TTC4: variants seen among roughly 807,000 people sequenced by gnomAD.
TTC4 encodes the protein tetratricopeptide repeat domain 4, also known as hsp70/Hsp90 co-chaperone CNS1 homolog.
A neutral mutation model predicts 51.9 loss-of-function variants in TTC4; 36 were observed. The ratio of observed to expected loss-of-function variants is 0.69; its 90% CI spans 0.53 to 0.92. The LOEUF (loss-of-function observed/expected upper bound fraction) is 0.92. Among genes scored for constraint, TTC4 ranks in the 40% least tolerant of loss-of-function variants. TTC4 has a pLI of 0.00. For synonymous variants in TTC4, 144 were observed against 164.2 expected, an observed-to-expected ratio of 0.88 and a Z score of 0.94; for missense variants, 399 against 454.6, an observed-to-expected ratio of 0.88 and a Z score of 1.11.
At chr1:54,717,859 C>T (rs1465905376) in intron 3 of TTC4, 2 of 422,770 alleles carry the variant, frequency 4.7e-6, no homozygotes, top group Non-Finnish European at 7.9e-6. Context: ...CTGTCTCAAC[C>T]CAAAAAGTGA....
rs1195968928 is a variant in TTC4, at chr1:54,733,712, TAAGAG to T, written c.978+6_978+10del. Reference sequence around the variant, plus strand: ...AAATATTGCCCTGATAATTTGGAGGTAAGAGAAGTTTTATTTCGTTCCTCTATGGA... The same window carrying T: ...AAATATTGCCCTGATAATTTGGAGGTAAGTTTTATTTCGTTCCTCTATGGA... On this transcript the variant is annotated splice_donor_5th_base_variant and intron_variant, in intron 8 of 9. Transcript: ENST00000371281. 6.3e-6 allele frequency: 10 copies of T among 1,576,944 alleles called. No homozygotes were observed. The highest frequency in any genetic ancestry group is 1.2e-5 in the South Asian group (1 of 85,630).
At chr1:54,728,023 G>A (rs1925654) in intron 5 of TTC4, among the ~76,000 whole-genome samples, 18,050 of 152,012 alleles carry the variant, frequency 0.12, 1,769 homozygotes, top group African/African-American at 0.26. Flanking sequence ...GCTATGTTTC[G>A]TAGCACTCGG....
chr1:54,738,506 G>T (rs1390104963), intron 9 of TTC4, among the ~76,000 whole-genome samples: 1 of 152,102 alleles, frequency 6.6e-6, no homozygotes. Context: ...GACTGGCCGG[G>T]CCCATAAAAC....
chr1:54,718,256 C>G (rs1645699916), intron 3 of TTC4, among the ~76,000 whole-genome samples: 1 of 152,056 alleles, frequency 6.6e-6, no homozygotes, highest in African/African-American at 2.4e-5. Flanking sequence ...GCCTGTAGTC[C>G]TAGCTACTTG....
rs570123458 is a variant in TTC4 at position 54,725,671 on chromosome 1, A to G, written c.595-2675A>G. Among the ~76,000 whole-genome samples the G allele has an allele frequency of 1.3e-4, 20 of 152,348 alleles. No individual in the cohort carries two copies. In the South Asian group the frequency reaches 1.7e-3, roughly 13 times the overall value. ...GGGACTTACTAGACAAAGACTTTAA[A>G]CCAGCTAATTTAAATATCTTCTCAG... is the stretch of plus-strand genomic sequence containing the variant. On this transcript the variant is annotated intron_variant, in intron 5 of 9. Coordinates refer to ENST00000371281, the MANE Select transcript of TTC4 (RefSeq NM_004623.5).
chr1:54,731,762 GA>G lies in TTC4; in HGVS notation c.896+63del. 2.0e-6 allele frequency: 3 copies of G among 1,524,362 alleles called. No homozygotes were observed. In the South Asian group the frequency reaches 3.5e-5, roughly 18 times the overall value. The allele number at this position is 1,524,362 out of a possible 1,614,324, so 94.4% of individuals were successfully genotyped here. On this transcript the variant is annotated intron_variant, in intron 7 of 9. Coordinates refer to ENST00000371281, the MANE Select transcript of TTC4 (RefSeq NM_004623.5). Reference sequence around the variant, plus strand: ...CATGCTGTCTCTGTTTTTGTGGCAGGAGGGACGAGTGGATTTTTGGTTGAGA... The same window carrying G: ...CATGCTGTCTCTGTTTTTGTGGCAGGGGGACGAGTGGATTTTTGGTTGAGA...
Position 54,723,955 on chromosome 1 carries a change from A to G in TTC4, c.594+1156A>G, listed in dbSNP as rs143990170. On this transcript the variant is annotated intron_variant, in intron 5 of 9. Transcript: ENST00000371281. ...GATCTCTATGGACCCACATGGCTCA[A>G]TAACAGAATTCTGAGCCTAGGTAAT... 2.1e-3 allele frequency among the ~76,000 whole-genome samples: 313 copies of G among 152,326 alleles called. 4 individuals are homozygous for G. In the East Asian group the frequency reaches 0.03, roughly 15 times the overall value.
chr1:54,723,525 A>G (rs139072777), intron 5 of TTC4, among the ~76,000 whole-genome samples: 2,124 of 152,300 alleles, frequency 0.014, 24 homozygotes, highest in Middle Eastern at 0.037. Flanking sequence ...CTGGCTTTCT[A>G]TTAACAGGCA....
At chr1:54,735,020 T>G (rs1645917494) in intron 8 of TTC4, among the ~76,000 whole-genome samples, 11 of 152,150 alleles carry the variant, frequency 7.2e-5, no homozygotes, top group Admixed American at 7.2e-4. Flanking sequence ...TCATGTCCCC[T>G]TAGTCTCCTT....
chr1:54,725,578 A>G lies in TTC4; in HGVS notation c.595-2768A>G, dbSNP rs181272475. On this transcript the variant is annotated intron_variant, in intron 5 of 9. Transcript: ENST00000371281. ...ATGCTAAAAATGTGCTTCAACATGT[A>G]CACAAAGCCTCTTGACAAAGATTGG... is the stretch of plus-strand genomic sequence containing the variant. Among the ~76,000 whole-genome samples, 71 of 152,352 alleles carry G rather than the reference A, an allele frequency of 4.7e-4. 1 individual carries two copies. Among genetic ancestry groups the G allele is most frequent in the Admixed American group, 1.6e-3 (24 of 15,310 alleles).
In TTC4 at chr1:54,721,198, G is replaced by A. The variant is rs76506579; in HGVS notation, c.427G>A (p.Ala143Thr). 199 of 1,613,474 alleles carry A rather than the reference G, an allele frequency of 1.2e-4. 1 individual carries two copies. In the African/African-American group the frequency reaches 2.4e-3, roughly 19 times the overall value. Residue 143 changes from alanine to threonine, a missense_variant, in exon 4 of 10, where the codon GCC becomes ACC. Physicochemically the swap from Ala to Thr is moderately conservative, Grantham distance 58. Around this residue, in one of 3 missense-constraint regions of TTC4, gnomAD observed 316 missense variants for 349.6 expected, o/e 0.90. Coordinates refer to ENST00000371281, the MANE Select transcript of TTC4 (RefSeq NM_004623.5). ...FRSALNDVTA[A>T]RKLKPCHLKA... ...TTCTGCTCTCAATGATGTGACAGCT[G>A]CCAGAAAGCTAAAACCCTGCCACCT...
intron 4 of TTC4, 50 bp downstream of exon 4, chr1:54,721,290 T>G (rs1362205585): frequency 6.3e-7 from 1 of 1,576,942 alleles, no homozygotes; most frequent in Admixed American, 1.7e-5. Context: ...GATATGAAGG[T>G]GCTAGGATAC....
At chr1:54,738,277 C>A (rs147543130) in intron 9 of TTC4, among the ~76,000 whole-genome samples, 2 of 141,036 alleles carry the variant, frequency 1.4e-5, no homozygotes, top group South Asian at 2.4e-4. Context: ...GCAAGACATA[C>A]CCCCATGATT....
chr1:54,736,193 A>ATT (rs1645932800), intron 8 of TTC4, among the ~76,000 whole-genome samples: 2 of 116,006 alleles, frequency 1.7e-5, no homozygotes, highest in Non-Finnish European at 3.4e-5. Flanking sequence ...AGAGAGAGAG[A>ATT]GAGAGAGAGA....
At chr1:54,725,520 A>T (rs889059946) in intron 5 of TTC4, among the ~76,000 whole-genome samples, 4 of 152,218 alleles carry the variant, frequency 2.6e-5, no homozygotes, top group African/African-American at 9.6e-5. Flanking sequence ...AAGGAAGTGA[A>T]GGCTAAGGTA....
intron 5 of TTC4, among the ~76,000 whole-genome samples, chr1:54,726,861 CT>C (rs984256182): frequency 7.4e-5 from 11 of 148,496 alleles, no homozygotes; most frequent in African/African-American, 2.7e-4. Context: ...CAACCTCAAA[CT>C]CCTGGGCTCA....
In TTC4 at chr1:54,715,956, G is replaced by A. The variant is rs776366535; in HGVS notation, c.48G>A (p.Ser16=). 6.2e-7 allele frequency: 1 copy of A among 1,607,164 alleles called. No individual in the cohort carries two copies. Residue 16 remains serine (S), a synonymous_variant, in exon 1 of 10, where the codon TCG becomes TCA. Transcript: ENST00000371281. Reference sequence around the variant, plus strand: ...CCACCTCAGACGACGTCATGGACTCGTTCCTGGAAAAGTTCCAGAGCCAGC... The same window carrying A: ...CCACCTCAGACGACGTCATGGACTCATTCCTGGAAAAGTTCCAGAGCCAGC... ...QDPTSDDVMD[S]FLEKFQSQPY...
intron 9 of TTC4, 82 bp from the exon 10 acceptor site, chr1:54,741,329 C>A: frequency 8.6e-7 from 1 of 1,162,948 alleles, no homozygotes; most frequent in Non-Finnish European, 1.3e-6. Context: ...CAGAGGCTCA[C>A]CTTGCATGTT....
intron 3 of TTC4, among the ~76,000 whole-genome samples, chr1:54,719,055 C>CA (rs1304671409): frequency 2.0e-5 from 3 of 152,164 alleles, no homozygotes; most frequent in Admixed American, 2.0e-4. Context: ...ACCAAGGGCT[C>CA]AATCTTTAAT....
Sources: gnomAD v4.1 joint callset for allele counts (sites outside exome capture counted in the v4.1 genomes callset) on GRCh38, gnomAD v4.1.1 for gene constraint, gnomAD v4.1.1 regional missense constraint, MANE v1.5 for transcripts, NCBI Gene and HGNC (gene_info 2026-07-23, HGNC 2026-07-21) for gene names.